CCDC7: variants seen among roughly 807,000 people sequenced by gnomAD.
CCDC7 encodes the protein coiled-coil domain containing 7.
In CCDC7, 183 loss-of-function variants were observed where a neutral mutation model predicts 196.9. That is an observed-to-expected ratio of 0.93 (90% CI 0.82 to 1.05). CCDC7 has a LOEUF of 1.05. Among genes scored for constraint, CCDC7 ranks in the 50% least tolerant of loss-of-function variants. The pLI, the probability that CCDC7 is intolerant of heterozygous loss-of-function variation, is 0.00. For synonymous variants in CCDC7, 525 were observed against 484.6 expected (o/e 1.08, Z -1.10); for missense variants, 1,540 against 1,482.2 (o/e 1.04, Z -0.64).
chr10:32,496,415 A>T (rs1245464211), intron 9 of CCDC7, among the ~76,000 whole-genome samples: 1 of 152,108 alleles, frequency 6.6e-6, no homozygotes, highest in Non-Finnish European at 1.5e-5. Flanking sequence ...AACTTCCAAT[A>T]CTATGTTGAA....
At chr10:32,619,420 C>T (rs1428275173) in intron 18 of CCDC7, among the ~76,000 whole-genome samples, 2 of 151,892 alleles carry the variant, frequency 1.3e-5, no homozygotes, top group Non-Finnish European at 2.9e-5. Context: ...AAGGAAATAG[C>T]ATTGAAAATA....
downstream of CCDC7, among the ~76,000 whole-genome samples, chr10:32,881,661 G>A (rs964196147): frequency 5.3e-5 from 8 of 152,090 alleles, no homozygotes; most frequent in Admixed American, 5.2e-4. Context: ...TTCCTAGCCA[G>A]CCAGTCATGT....
intron 25 of CCDC7, among the ~76,000 whole-genome samples, chr10:32,711,964 G>A (rs2080916538): frequency 6.6e-6 from 1 of 152,098 alleles, no homozygotes; most frequent in Non-Finnish European, 1.5e-5. Flanking sequence ...TCCATCTCAG[G>A]ACAATAATAG....
intron 32 of CCDC7, among the ~76,000 whole-genome samples, chr10:32,833,390 G>A (rs2092374732): frequency 6.7e-6 from 1 of 149,966 alleles, no homozygotes; most frequent in South Asian, 2.1e-4. Flanking sequence ...AAATCCATGT[G>A]TAACAGTTTC....
intron 15 of CCDC7, among the ~76,000 whole-genome samples, chr10:32,568,572 A>G (rs2057180161): frequency 6.6e-6 from 1 of 152,222 alleles, no homozygotes; most frequent in Non-Finnish European, 1.5e-5. Flanking sequence ...ATATAAACGA[A>G]GTAAGGTACA....
chr10:32,444,014 G>A (rs1210555824), upstream of CCDC7, among the ~76,000 whole-genome samples: 2 of 152,086 alleles, frequency 1.3e-5, no homozygotes, highest in Non-Finnish European at 2.9e-5. Flanking sequence ...CATTGTAGAT[G>A]TCTGGAAATT....
At chr10:32,655,549 C>CA (rs1366648163) in intron 20 of CCDC7, among the ~76,000 whole-genome samples, 1 of 151,928 alleles carries the variant, frequency 6.6e-6, no homozygotes, top group East Asian at 1.9e-4. Context: ...TTTTGAGAGA[C>CA]AGAGTCTTGC....
chr10:32,668,160 GCTCT>G (rs1345801579), intron 21 of CCDC7, among the ~76,000 whole-genome samples: 5 of 151,990 alleles, frequency 3.3e-5, no homozygotes, highest in African/African-American at 9.7e-5. Flanking sequence ...TCATAATTTG[GCTCT>G]CTGTTTGTCT....
intron 28 of CCDC7, among the ~76,000 whole-genome samples, chr10:32,766,685 T>G (rs1408445357): frequency 6.6e-6 from 1 of 152,086 alleles, no homozygotes; most frequent in East Asian, 1.9e-4. Flanking sequence ...ATGAACTGGA[T>G]GTTGTCTGAC....
At chr10:32,784,286 T>C (rs2081476385) in intron 29 of CCDC7, among the ~76,000 whole-genome samples, 1 of 136,456 alleles carries the variant, frequency 7.3e-6, no homozygotes, top group African/African-American at 3.5e-5. Flanking sequence ...TAGGTAAATG[T>C]GTGTTATGGT....
At chr10:32,605,266 A>T (rs1449219835) in intron 18 of CCDC7, among the ~76,000 whole-genome samples, 2 of 152,200 alleles carry the variant, frequency 1.3e-5, no homozygotes, top group Admixed American at 1.3e-4. Flanking sequence ...CGAGCCAATT[A>T]AACCTCTTTT....
chr10:32,648,116 T>C (rs1292036901), intron 20 of CCDC7, among the ~76,000 whole-genome samples: 1 of 152,228 alleles, frequency 6.6e-6, no homozygotes, highest in African/African-American at 2.4e-5. Flanking sequence ...TTTGTTGGTC[T>C]TGTCAAATAT....
At chr10:32,544,145 A>T (rs1247085153) in intron 12 of CCDC7, 102 bp from the exon 14 acceptor site, 1 of 990,198 alleles carries the variant, frequency 1.0e-6, no homozygotes, top group East Asian at 2.6e-5. Context: ...TTTTAAAAAA[A>T]CTTCATTATT....
chr10:32,718,389 A>G (rs1265049701), intron 25 of CCDC7, among the ~76,000 whole-genome samples: 1 of 152,200 alleles, frequency 6.6e-6, no homozygotes, highest in African/African-American at 2.4e-5. Flanking sequence ...AATAAGAGCT[A>G]TTTATGACAA....
At chr10:32,671,367 T>C (rs1565068861) in intron 21 of CCDC7, among the ~76,000 whole-genome samples, 2 of 152,200 alleles carry the variant, frequency 1.3e-5, no homozygotes, top group Non-Finnish European at 2.9e-5. Flanking sequence ...AGTAACATAC[T>C]GTACAGCTTT....
chr10:32,456,531 A>G (rs560149089), intron 3 of CCDC7, among the ~76,000 whole-genome samples, 197 bp downstream of exon 4: 1 of 152,266 alleles, frequency 6.6e-6, no homozygotes, highest in Admixed American at 6.5e-5. Context: ...ACTATGCCCA[A>G]ATGCAAAGAT....
At chr10:32,678,105 G>A (rs1050248484) in intron 21 of CCDC7, among the ~76,000 whole-genome samples, 3 of 151,654 alleles carry the variant, frequency 2.0e-5, no homozygotes, top group Admixed American at 2.0e-4. Flanking sequence ...CTCATTTTTT[G>A]TTCATGTGTT....
chr10:32,597,248 T>C (rs2060481149), intron 18 of CCDC7, among the ~76,000 whole-genome samples: 1 of 152,186 alleles, frequency 6.6e-6, no homozygotes. Context: ...TTCTCTAAAC[T>C]TCTTGCTTCA....
chr10:32,727,772 A>G (rs1592105895), intron 26 of CCDC7, among the ~76,000 whole-genome samples: 1 of 152,134 alleles, frequency 6.6e-6, no homozygotes, highest in African/African-American at 2.4e-5. Flanking sequence ...AAAATTTTTC[A>G]GTTAAGTTCT....
Sources: gnomAD v4.1 joint callset for allele counts (sites outside exome capture counted in the v4.1 genomes callset) on GRCh38, gnomAD v4.1.1 for gene constraint, MANE v1.5 for transcripts, NCBI Gene and HGNC (gene_info 2026-07-23, HGNC 2026-07-21) for gene names.